DAB1: variants seen among roughly 807,000 people sequenced by gnomAD.
The protein encoded by DAB1 is disabled homolog 1.
A neutral mutation model predicts 64.6 loss-of-function variants in DAB1; 15 were observed. That is an observed-to-expected ratio of 0.23 (90% CI 0.16 to 0.36). DAB1 has a LOEUF of 0.36. Ranked by LOEUF, DAB1 falls within the 10% of genes least tolerant of loss-of-function variation. The pLI is 1.00. For missense variants in DAB1, 596 were observed against 706.7 expected (o/e 0.84, Z 1.78); for synonymous variants, 235 against 251.9 (o/e 0.93, Z 0.64).
chr1:58,269,027 A>C (rs199731573), intron 4 of DAB1, among the ~76,000 whole-genome samples: 5 of 147,764 alleles, frequency 3.4e-5, no homozygotes, highest in Non-Finnish European at 6.0e-5. Context: ...TTTTTTTTTT[A>C]TTATACTTTA....
intron 6 of DAB1, among the ~76,000 whole-genome samples, chr1:57,663,033 C>T (rs1156371236): frequency 6.6e-6 from 1 of 152,162 alleles, no homozygotes; most frequent in Non-Finnish European, 1.5e-5. Context: ...AAAGAACTAT[C>T]TGAGACTGGG....
At chr1:57,159,334 G>C (rs1261328163) in intron 2 of DAB1, among the ~76,000 whole-genome samples, 1 of 152,122 alleles carries the variant, frequency 6.6e-6, no homozygotes, top group African/African-American at 2.4e-5. Context: ...GTCTCTTGAA[G>C]CACCATTTTC....
chr1:58,365,102 C>T (rs965959076), intron 3 of DAB1, among the ~76,000 whole-genome samples: 1 of 152,200 alleles, frequency 6.6e-6, no homozygotes, highest in African/African-American at 2.4e-5. Context: ...GGTTCAATTA[C>T]TCCAATCAGT....
chr1:58,253,825 A>G (rs989938190), intron 4 of DAB1, among the ~76,000 whole-genome samples: 11 of 152,204 alleles, frequency 7.2e-5, no homozygotes, highest in Non-Finnish European at 1.2e-4. Context: ...TCACTGCACA[A>G]GCTCTGCAAA....
chr1:58,322,745 T>A (rs559540951), intron 4 of DAB1, among the ~76,000 whole-genome samples: 1 of 152,322 alleles, frequency 6.6e-6, no homozygotes, highest in East Asian at 1.9e-4. Context: ...ACTGGGTATA[T>A]ACCCAAAGGA....
chr1:57,768,866 TATATG>T (rs1465491623), intron 6 of DAB1, among the ~76,000 whole-genome samples: 4 of 152,116 alleles, frequency 2.6e-5, no homozygotes, highest in African/African-American at 7.2e-5. Context: ...AGAGAGGGCT[TATATG>T]ATATATCACC....
downstream of DAB1, among the ~76,000 whole-genome samples, chr1:57,823,169 G>A (rs1464201483): frequency 6.6e-6 from 1 of 151,912 alleles, no homozygotes; most frequent in Non-Finnish European, 1.5e-5. Flanking sequence ...ATTTTTAGTA[G>A]AGATGGGGTT....
intron 4 of DAB1, among the ~76,000 whole-genome samples, chr1:58,302,534 C>G (rs537121722): frequency 4.2e-4 from 64 of 152,232 alleles, no homozygotes; most frequent in Admixed American, 2.5e-3. Flanking sequence ...TTAAATTTCT[C>G]CTATGTGCCA....
intron 1 of DAB1, among the ~76,000 whole-genome samples, chr1:57,305,690 C>A (rs954768924): frequency 3.9e-5 from 6 of 152,110 alleles, no homozygotes; most frequent in Non-Finnish European, 8.8e-5. Context: ...AAACAATGGG[C>A]CAGGCGCAGT....
At chr1:57,776,292 C>A (rs1298049944) in intron 6 of DAB1, among the ~76,000 whole-genome samples, 1 of 150,348 alleles carries the variant, frequency 6.7e-6, no homozygotes, top group Admixed American at 6.6e-5. Flanking sequence ...TTCCAAATTC[C>A]AAAAAAAAAA....
chr1:58,256,499 A>G (rs181146016), intron 4 of DAB1, among the ~76,000 whole-genome samples: 1 of 152,366 alleles, frequency 6.6e-6, no homozygotes, highest in East Asian at 1.9e-4. Flanking sequence ...TTAGAGAATT[A>G]GCAGATGTTA....
At chr1:58,500,519 A>C (rs983446597) in intron 3 of DAB1, among the ~76,000 whole-genome samples, 2 of 152,208 alleles carry the variant, frequency 1.3e-5, no homozygotes, top group African/African-American at 4.8e-5. Flanking sequence ...AAGGATTCAA[A>C]ATAAAATGAG....
intron 3 of DAB1, among the ~76,000 whole-genome samples, chr1:58,387,802 C>T (rs906607779): frequency 1.7e-4 from 25 of 145,702 alleles, no homozygotes; most frequent in African/African-American, 5.9e-4. Context: ...TCTCGGCTCA[C>T]TGCAAGCTCT....
At chr1:57,322,961 G>A (rs572596599) in intron 1 of DAB1, among the ~76,000 whole-genome samples, 3 of 152,074 alleles carry the variant, frequency 2.0e-5, no homozygotes, top group Admixed American at 6.5e-5. Flanking sequence ...CAGCTCAAGG[G>A]TTCTGGAATG....
chr1:57,927,715 T>C (rs1162593810), intron 5 of DAB1, among the ~76,000 whole-genome samples: 1 of 152,130 alleles, frequency 6.6e-6, no homozygotes, highest in Non-Finnish European at 1.5e-5. Context: ...AACCCGAAAG[T>C]ACATTCCTTA....
intron 1 of DAB1, among the ~76,000 whole-genome samples, chr1:57,291,888 C>A (rs1672806641): frequency 6.6e-6 from 1 of 152,160 alleles, no homozygotes; most frequent in Non-Finnish European, 1.5e-5. Context: ...ACAACCACTT[C>A]ACTTACAGGT....
chr1:57,196,504 C>T (rs560009709), intron 2 of DAB1, among the ~76,000 whole-genome samples: 27 of 152,286 alleles, frequency 1.8e-4, no homozygotes, highest in South Asian at 1.2e-3. Context: ...TATTGAAGTC[C>T]CAGACAGCAT....
chr1:58,352,994 C>T (rs1466578593), intron 3 of DAB1, among the ~76,000 whole-genome samples: 1 of 152,080 alleles, frequency 6.6e-6, no homozygotes, highest in Non-Finnish European at 1.5e-5. Flanking sequence ...TTATAAGCCA[C>T]CTAGTTTACG....
At chr1:57,595,286 T>C (rs1442003617) in intron 7 of DAB1, among the ~76,000 whole-genome samples, 1 of 152,002 alleles carries the variant, frequency 6.6e-6, no homozygotes, top group African/African-American at 2.4e-5. Flanking sequence ...GATTCTAAAT[T>C]TTTTGGAATA....
Sources: gnomAD v4.1 joint callset for allele counts (sites outside exome capture counted in the v4.1 genomes callset) on GRCh38, gnomAD v4.1.1 for gene constraint, MANE v1.5 for transcripts, NCBI Gene and HGNC (gene_info 2026-07-23, HGNC 2026-07-21) for gene names.